The following KCNC4 variants were observed in gnomAD, a reference collection of about 807,000 sequenced individuals.
KCNC4 encodes the protein potassium voltage-gated channel subfamily C member 4.
A neutral mutation model predicts 42.8 loss-of-function variants in KCNC4; 23 were observed. The observed-to-expected ratio is 0.54, with a 90% confidence interval of 0.39 to 0.76. The LOEUF (loss-of-function observed/expected upper bound fraction) is 0.76. Among genes scored for constraint, KCNC4 ranks in the 30% least tolerant of loss-of-function variants. The probability of loss-of-function intolerance (pLI) is 0.00; values close to 1 mark genes in which losing one functional copy is unlikely to be tolerated. For missense variants in KCNC4, 751 were observed against 898.2 expected (o/e 0.84, Z 2.10); for synonymous variants, 422 against 393.5 (o/e 1.07, Z -0.86).
intron 1 of KCNC4, chr1:110,220,984 C>G (rs1658064225): frequency 1.3e-5 from 2 of 152,200 alleles, no homozygotes; most frequent in Non-Finnish European, 2.9e-5. Context: ...CCATTCACCC[C>G]CTGGACCTAG....
chr1:110,262,889 T>C (rs908769721), intron 1 of KCNC4, among the ~76,000 whole-genome samples: 1 of 152,212 alleles, frequency 6.6e-6, no homozygotes, highest in African/African-American at 2.4e-5. Flanking sequence ...GGACGTCCTG[T>C]CTTTCCCGCC....
At chr1:110,216,490 A>T (rs974681816) in intron 1 of KCNC4, among the ~76,000 whole-genome samples, 2 of 152,170 alleles carry the variant, frequency 1.3e-5, no homozygotes, top group Admixed American at 1.3e-4. Context: ...TTCTGAACAG[A>T]TCAACATTTG....
At chr1:110,235,987 GTAAAGCCTC>G (rs1329461753), downstream of KCNC4, 1 of 152,186 alleles carries the variant, frequency 6.6e-6, no homozygotes, top group Non-Finnish European at 1.5e-5. Context: ...GTCGGCGCCT[GTAAAGCCTC>G]GCGCACAGTG....
At chr1:110,235,198 A>C (rs1208963300), downstream of KCNC4, 1 of 152,312 alleles carries the variant, frequency 6.6e-6, no homozygotes, top group African/African-American at 2.4e-5. Flanking sequence ...AGCCAGGGGA[A>C]GCCTGTTCCT....
At chr1:110,249,929 C>A (rs557621369), downstream of KCNC4, among the ~76,000 whole-genome samples, 23 of 152,306 alleles carry the variant, frequency 1.5e-4, no homozygotes, top group Admixed American at 1.1e-3. Flanking sequence ...TAGCAACCAG[C>A]ATTCTACTGT....
At position 110,265,033 on chromosome 1, in the gene KCNC4, A is replaced by T. The variant is rs564534751; in HGVS notation, n.31-17501A>T. 6.1e-5 allele frequency among the ~76,000 whole-genome samples: 9 copies of T among 146,814 alleles called. No individual in the cohort carries two copies. In the South Asian group the frequency reaches 1.7e-3, roughly 27 times the overall value. On this transcript the variant is annotated intron_variant and non_coding_transcript_variant, in intron 1 of 2. Coordinates refer to the KCNC4 transcript ENST00000412512. The stretch of plus-strand genomic sequence containing the variant: ...GAGGCGGAGGTTGCAGTGAGCCGAG[A>T]TTGTGCCACTGCACTCCAGCCTGGG...
intron 1 of KCNC4, among the ~76,000 whole-genome samples, chr1:110,218,754 G>A (rs1326598336): frequency 6.6e-6 from 1 of 152,210 alleles, no homozygotes; most frequent in Non-Finnish European, 1.5e-5. Flanking sequence ...GAACCCAGAA[G>A]TGTGTGGCTT....
chr1:110,242,605 G>GATTATCATTCTTCTGGCTTTCTCT (rs1489971290), exon 4 of KCNC4: 1 of 152,232 alleles, frequency 6.6e-6, no homozygotes, highest in Non-Finnish European at 1.5e-5. Flanking sequence ...GGAGGCAAGG[G>GATTATCATTCTTCTGGCTTTCTCT]ATTATCATTC....
chr1:110,243,756 G>A (rs1659083208), exon 4 of KCNC4: 2 of 152,412 alleles, frequency 1.3e-5, no homozygotes, highest in Admixed American at 6.5e-5. Flanking sequence ...GCTGTGGGCA[G>A]AGGCTGCGGG....
chr1:110,241,887 TTAA>T (rs1659041191), exon 4 of KCNC4: 1 of 152,270 alleles, frequency 6.6e-6, no homozygotes, highest in Non-Finnish European at 1.5e-5. Flanking sequence ...GCTTTCCTTA[TTAA>T]TGTTTTTACC....
chr1:110,233,219 T>G lies in KCNC4; in HGVS notation c.*247T>G, dbSNP rs1265502473. The G allele has an allele frequency of 3.4e-6, 2 of 594,016 alleles. No homozygotes were observed. Among genetic ancestry groups the G allele is most frequent in the African/African-American group, 3.7e-5 (2 of 53,776 alleles). 36.8% of individuals were successfully genotyped at this position (594,016 alleles called of 1,614,324 possible). Reference sequence around the variant, plus strand: ...TCTATATTCATACATATTATACTCTTGTGTGTAGTGCACGTGCTATTGGTG... The same window carrying G: ...TCTATATTCATACATATTATACTCTGGTGTGTAGTGCACGTGCTATTGGTG... On this transcript the variant is annotated 3_prime_UTR_variant, in exon 4 of 4. Coordinates refer to ENST00000438661, the MANE Select transcript of KCNC4 (RefSeq NM_001039574.3).
intron 1 of KCNC4, among the ~76,000 whole-genome samples, chr1:110,274,580 G>A (rs970155108): frequency 3.3e-5 from 5 of 152,102 alleles, no homozygotes; most frequent in African/African-American, 1.2e-4. Flanking sequence ...AAATAGCAAA[G>A]CTGGAGCCAT....
At chr1:110,263,169 A>T (rs528854815) in intron 1 of KCNC4, among the ~76,000 whole-genome samples, 17 of 152,242 alleles carry the variant, frequency 1.1e-4, no homozygotes, top group African/African-American at 4.1e-4. Context: ...GGGCTTTTCA[A>T]CCTGTTTTGG....
rs1657367096 is a variant in KCNC4, at chr1:110,210,420, C to T, written c.-1080C>T. Among the ~76,000 whole-genome samples, 1 of 151,546 alleles carries T rather than the reference C, an allele frequency of 6.6e-6. No individual in the cohort carries two copies. The highest frequency in any genetic ancestry group is 2.4e-5 in the African/African-American group (1 of 41,352). On this transcript the variant is annotated 5_prime_UTR_variant, in exon 1 of 4. Transcript: ENST00000438661. ...CCTCCCCTATGCCACCTCGCGCCCG[C>T]CCCCTGCCGCGCGCGAGCCAAGGCC...
chr1:110,239,388 C>G (rs998802373), exon 4 of KCNC4: 3 of 152,238 alleles, frequency 2.0e-5, no homozygotes, highest in Non-Finnish European at 4.4e-5. Flanking sequence ...GAAGGCCTGG[C>G]TGTAAATTTC....
downstream of KCNC4, among the ~76,000 whole-genome samples, chr1:110,253,857 AG>A (rs1450868467): frequency 6.6e-6 from 1 of 152,186 alleles, no homozygotes; most frequent in African/African-American, 2.4e-5. Flanking sequence ...CCACCTGGCT[AG>A]GCTGAAGTCC....
intron 3 of KCNC4, among the ~76,000 whole-genome samples, chr1:110,230,747 G>C (rs1557863650): frequency 6.6e-6 from 1 of 152,220 alleles, no homozygotes; most frequent in Non-Finnish European, 1.5e-5. Context: ...ATAGAACCCA[G>C]ATAGCAGGAG....
At chr1:110,227,082 T>C (rs1356090495) in intron 3 of KCNC4, among the ~76,000 whole-genome samples, 1 of 152,168 alleles carries the variant, frequency 6.6e-6, no homozygotes, top group East Asian at 1.9e-4. Context: ...TCTACCTCTT[T>C]CTAGAATAAA....
chr1:110,272,968 A>G (rs556595246), intron 1 of KCNC4, among the ~76,000 whole-genome samples: 3 of 152,252 alleles, frequency 2.0e-5, no homozygotes, highest in Admixed American at 6.5e-5. Flanking sequence ...CAAGTCTCCA[A>G]GGGATAGTCC....
Sources: allele counts gnomAD v4.1 joint callset (sites outside exome capture counted in the v4.1 genomes callset), GRCh38; gene constraint gnomAD v4.1.1; transcripts MANE v1.5; gene names NCBI Gene and HGNC (gene_info 2026-07-23, HGNC 2026-07-21).